SLC47A1: variants seen among roughly 807,000 people sequenced by gnomAD.
The protein encoded by SLC47A1 is multidrug and toxin extrusion protein 1.
In SLC47A1, 58 loss-of-function variants were observed where a neutral mutation model predicts 65.8. The observed-to-expected ratio is 0.88, with a 90% CI of 0.71 to 1.10. The LOEUF is 1.10. Ranked by LOEUF, SLC47A1 falls within the 50% of genes least tolerant of loss-of-function variation. SLC47A1 has a pLI of 0.00. For synonymous variants in SLC47A1, 285 were observed against 295.0 expected, an observed-to-expected ratio of 0.97 and a Z score of 0.35; for missense variants, 706 against 719.2, an observed-to-expected ratio of 0.98 and a Z score of 0.21.
intron 10 of SLC47A1, 56 bp from the exon 11 acceptor site, chr17:19,560,132 C>A (rs1371047624): frequency 1.3e-5 from 17 of 1,309,974 alleles, no homozygotes; most frequent in East Asian, 2.3e-5. Context: ...CTTCTCTGCA[C>A]GTGTTCTCGC....
chr17:19,560,260 G>T lies in SLC47A1; in HGVS notation c.994G>T (p.Ala332Ser). ...TCTGGGTGCTGGAGACATGGAGCAG[G>T]CACGGAAGTCCTCTACCGTTTCCCT... ...NALGAGDMEQARKSSTVSLLI... is the reference protein window; with the variant it reads ...NALGAGDMEQSRKSSTVSLLI... The change falls in exon 11 of 17, where the codon GCA (alanine) becomes TCA (serine). Residue 332 changes from alanine (A) to serine (S), a missense_variant. Transcript: ENST00000270570. The T allele has an allele frequency of 6.2e-7, 1 of 1,613,896 alleles. No homozygotes were observed. The highest frequency in any genetic ancestry group is 8.5e-7 in the Non-Finnish European group (1 of 1,179,966).
intron 10 of SLC47A1, among the ~76,000 whole-genome samples, chr17:19,558,370 G>A (rs1298239606): frequency 6.6e-6 from 1 of 152,124 alleles, no homozygotes; most frequent in Non-Finnish European, 1.5e-5. Context: ...GTGATGCTGT[G>A]TCCTTCTTAG....
intron 10 of SLC47A1, among the ~76,000 whole-genome samples, chr17:19,559,150 A>AT (rs1365202441): frequency 2.6e-5 from 4 of 152,226 alleles, no homozygotes; most frequent in Non-Finnish European, 5.9e-5. Flanking sequence ...AGGTTCTATG[A>AT]TTCAACTCCT....
intron 6 of SLC47A1, among the ~76,000 whole-genome samples, chr17:19,554,519 A>G (rs1413099863): frequency 6.6e-6 from 1 of 152,198 alleles, no homozygotes; most frequent in Non-Finnish European, 1.5e-5. Flanking sequence ...GTCAGAAAGC[A>G]CTCGTCATTC....
chr17:19,555,973 G>A (rs1319823650), intron 9 of SLC47A1, 22 bp from the exon 10 acceptor site: 8 of 1,614,042 alleles, frequency 5.0e-6, no homozygotes, highest in East Asian at 2.2e-5. Flanking sequence ...GGTGCAAGGC[G>A]ACAGCTGTCT....
At chr17:19,561,553 G>A (rs1458254468) in intron 12 of SLC47A1, among the ~76,000 whole-genome samples, 1 of 150,450 alleles carries the variant, frequency 6.6e-6, no homozygotes, top group African/African-American at 2.5e-5. Flanking sequence ...TGAGGTAGGA[G>A]AATGGCGTGA....
intron 6 of SLC47A1, among the ~76,000 whole-genome samples, chr17:19,554,895 C>T (rs182012350): frequency 1.3e-5 from 2 of 152,212 alleles, no homozygotes; most frequent in East Asian, 3.9e-4. Context: ...CCTTGTTGAC[C>T]CATTTAGCCC....
intron 12 of SLC47A1, among the ~76,000 whole-genome samples, chr17:19,562,568 A>G (rs2084321674): frequency 6.6e-6 from 1 of 150,768 alleles, no homozygotes; most frequent in Non-Finnish European, 1.5e-5. Flanking sequence ...CTGTCTCAAA[A>G]AAAAAAAAAA....
At chr17:19,555,755 G>T (rs756365908) in intron 8 of SLC47A1, 41 bp from the exon 9 acceptor site, 1 of 1,613,094 alleles carries the variant, frequency 6.2e-7, no homozygotes, top group South Asian at 1.1e-5. Context: ...GTTCCAGCCC[G>T]ATGGCCAGAT....
chr17:19,552,834 G>T (rs1282471960), intron 6 of SLC47A1, among the ~76,000 whole-genome samples: 1 of 152,176 alleles, frequency 6.6e-6, no homozygotes, highest in East Asian at 1.9e-4. Flanking sequence ...GCAGTGAGAT[G>T]ATGGCATCGA....
At chr17:19,559,264 T>C (rs953615181) in intron 10 of SLC47A1, among the ~76,000 whole-genome samples, 1 of 152,178 alleles carries the variant, frequency 6.6e-6, no homozygotes, top group Non-Finnish European at 1.5e-5. Flanking sequence ...GCAATCTGGC[T>C]TCAGAATCCT....
rs1190597961 is a variant in SLC47A1 at position 19,566,879 on chromosome 17, C to T, written c.1176+20C>T. 3.1e-6 allele frequency: 5 copies of T among 1,612,992 alleles called. No homozygotes were observed. Among genetic ancestry groups the T allele is most frequent in the Non-Finnish European group, 4.2e-6 (5 of 1,179,040 alleles). ...CTTGCTGTAAGTATTATGTAGTAGT[C>T]CCCTAAGCACTGTTATGATCTTCTG... On this transcript the variant is annotated intron_variant, in intron 13 of 16. Coordinates refer to ENST00000270570, the MANE Select transcript of SLC47A1 (RefSeq NM_018242.3).
intron 3 of SLC47A1, 113 bp downstream of exon 3, chr17:19,546,616 C>T (rs1916298074): frequency 4.4e-6 from 4 of 908,178 alleles, no homozygotes; most frequent in African/African-American, 3.3e-5. Flanking sequence ...CAGCACCTAT[C>T]AGCCAGCAAC....
intron 15 of SLC47A1, among the ~76,000 whole-genome samples, chr17:19,572,497 T>A (rs2084407641): frequency 6.6e-6 from 1 of 151,344 alleles, no homozygotes. Flanking sequence ...TGTTTTTAAT[T>A]TTTTAATTGA....
At chr17:19,562,796 C>T (rs899821328) in intron 12 of SLC47A1, among the ~76,000 whole-genome samples, 4 of 151,956 alleles carry the variant, frequency 2.6e-5, no homozygotes, top group East Asian at 1.9e-4. Context: ...ATAGAACTGA[C>T]GAGATGAGGA....
chr17:19,542,104 G>C (rs1045831273), intron 1 of SLC47A1, among the ~76,000 whole-genome samples: 3 of 152,092 alleles, frequency 2.0e-5, no homozygotes, highest in African/African-American at 7.2e-5. Context: ...CAGCCCAGGT[G>C]ACAGTGTGAG....
chr17:19,538,833 A>T (rs735579), intron 1 of SLC47A1, among the ~76,000 whole-genome samples: 5,924 of 152,276 alleles, frequency 0.039, 375 homozygotes, highest in African/African-American at 0.13. Context: ...TAAAGCTGCC[A>T]GGCGCTGAAG....
chr17:19,543,221 T>C (rs1278355520), intron 2 of SLC47A1, among the ~76,000 whole-genome samples: 1 of 151,932 alleles, frequency 6.6e-6, no homozygotes, highest in Non-Finnish European at 1.5e-5. Context: ...GCAATTCTCC[T>C]GTCTCAGCCT....
At chr17:19,548,157 G>T in intron 4 of SLC47A1, 24 bp downstream of exon 4, 1 of 1,598,466 alleles carries the variant, frequency 6.3e-7, no homozygotes. Flanking sequence ...TGTCGCAGCG[G>T]GACTTGGCGT....
Sources: allele counts gnomAD v4.1 joint callset (sites outside exome capture counted in the v4.1 genomes callset), GRCh38; gene constraint gnomAD v4.1.1; transcripts MANE v1.5; gene names NCBI Gene and HGNC (gene_info 2026-07-23, HGNC 2026-07-21).